The following RAB30 variants were observed in gnomAD, a reference collection of about 807,000 sequenced individuals.
RAB30 encodes the protein ras-related protein Rab-30.
A neutral mutation model predicts 25.1 loss-of-function variants in RAB30; 9 were observed. The observed-to-expected ratio is 0.36, with a 90% confidence interval of 0.22 to 0.63. The LOEUF (loss-of-function observed/expected upper bound fraction) is 0.63, where lower values mean the gene tolerates loss of function less well. Among genes scored for constraint, RAB30 ranks in the 20% least tolerant of loss-of-function variants. The pLI, the probability that RAB30 is intolerant of heterozygous loss-of-function variation, is 0.69. For missense variants in RAB30, 140 were observed against 243.5 expected (o/e 0.58, Z 2.83); for synonymous variants, 77 against 86.4 (o/e 0.89, Z 0.60).
chr11:83,040,978 G>C (rs1227104527), intron 1 of RAB30: 4 of 152,882 alleles, frequency 2.6e-5, no homozygotes, highest in African/African-American at 7.2e-5. Context: ...CAAATGACTT[G>C]ACGCCAGGAG....
intron 1 of RAB30, among the ~76,000 whole-genome samples, chr11:83,014,744 GAA>G (rs889084154): frequency 1.4e-5 from 2 of 147,698 alleles, no homozygotes; most frequent in African/African-American, 5.0e-5. Flanking sequence ...AAATAAGAAA[GAA>G]AAAGAATGAA....
chr11:83,013,919 C>T (rs1036693857), intron 1 of RAB30, among the ~76,000 whole-genome samples: 4 of 152,208 alleles, frequency 2.6e-5, no homozygotes, highest in Non-Finnish European at 5.9e-5. Flanking sequence ...TGCAAGTCCT[C>T]AACAACTCTG....
At chr11:83,002,018 G>GAC (rs2121474408) in intron 1 of RAB30, among the ~76,000 whole-genome samples, 1 of 152,294 alleles carries the variant, frequency 6.6e-6, no homozygotes, top group South Asian at 2.1e-4. Flanking sequence ...AGGAAGCTGA[G>GAC]ACAGAGATAT....
intron 2 of RAB30, among the ~76,000 whole-genome samples, chr11:82,994,458 G>A (rs780759658): frequency 6.6e-6 from 1 of 152,184 alleles, no homozygotes; most frequent in African/African-American, 2.4e-5. Context: ...AATCAGACAC[G>A]AAGATAAGAT....
intron 2 of RAB30, among the ~76,000 whole-genome samples, chr11:82,995,374 C>T (rs1171605627): frequency 6.6e-6 from 1 of 152,140 alleles, no homozygotes; most frequent in Non-Finnish European, 1.5e-5. Flanking sequence ...GGCTCAGATA[C>T]AAAAGCTGTC....
At chr11:83,062,202 G>A (rs778192536) in intron 1 of RAB30, among the ~76,000 whole-genome samples, 6 of 151,988 alleles carry the variant, frequency 3.9e-5, no homozygotes, top group East Asian at 1.9e-4. Flanking sequence ...AGGTCATGTC[G>A]AAAAACAAAA....
chr11:83,061,763 C>T (rs1858588820), intron 1 of RAB30, among the ~76,000 whole-genome samples: 1 of 125,468 alleles, frequency 8.0e-6, no homozygotes, highest in Non-Finnish European at 1.6e-5. Context: ...GTTGCCCAGG[C>T]TGCTCTTGAA....
chr11:83,046,610 T>G (rs1387194793), intron 1 of RAB30, among the ~76,000 whole-genome samples: 1 of 152,062 alleles, frequency 6.6e-6, no homozygotes, highest in Admixed American at 6.6e-5. Flanking sequence ...CTCCCCACCT[T>G]AGTCTCCTGA....
At position 83,020,653 on chromosome 11, in the gene RAB30, C is replaced by T. The variant is rs138928367; in HGVS notation, c.-8-23329G>A. ...CAAACCAGGGTGGCGATTTGTGGTG[C>T]CTTTTTCAGCCTGCCCATGGCCACC... On this transcript the variant is annotated intron_variant, in intron 1 of 4. Transcript: ENST00000527633. Among the ~76,000 whole-genome samples the T allele has an allele frequency of 5.4e-3, 820 of 152,294 alleles. 7 individuals carry two copies. Among genetic ancestry groups the T allele is most frequent in the African/African-American group, 0.019 (773 of 41,564 alleles).
intron 1 of RAB30, among the ~76,000 whole-genome samples, chr11:83,008,701 C>G (rs1857239920): frequency 6.6e-6 from 1 of 152,120 alleles, no homozygotes; most frequent in South Asian, 2.1e-4. Flanking sequence ...CACACACTCA[C>G]ACAGCATACC....
At chr11:83,070,660 A>G (rs996277953) in intron 1 of RAB30, among the ~76,000 whole-genome samples, 2 of 152,092 alleles carry the variant, frequency 1.3e-5, no homozygotes, top group Non-Finnish European at 2.9e-5. Context: ...AATTATCCCT[A>G]TAACTCTTAC....
intron 1 of RAB30, among the ~76,000 whole-genome samples, chr11:82,998,381 A>C (rs1445471029): frequency 6.6e-6 from 1 of 151,980 alleles, no homozygotes; most frequent in Non-Finnish European, 1.5e-5. Flanking sequence ...AAACTTACAA[A>C]AGAACCTTAT....
At chr11:83,000,353 A>G (rs545035315) in intron 1 of RAB30, among the ~76,000 whole-genome samples, 3 of 152,382 alleles carry the variant, frequency 2.0e-5, no homozygotes, top group African/African-American at 7.2e-5. Context: ...TCTGGCTTCA[A>G]ATATAAAACT....
chr11:83,067,198 C>T (rs1360044841), intron 1 of RAB30, among the ~76,000 whole-genome samples: 5 of 152,120 alleles, frequency 3.3e-5, no homozygotes, highest in African/African-American at 1.2e-4. Context: ...TGAATTCCTC[C>T]GAAGTAAACA....
At chr11:82,988,342 G>C (rs1856781715) in intron 3 of RAB30, among the ~76,000 whole-genome samples, 1 of 152,148 alleles carries the variant, frequency 6.6e-6, no homozygotes, top group African/African-American at 2.4e-5. Context: ...TGTGACTGTT[G>C]GCATTTAATC....
chr11:83,001,046 CAAAAAAAAA>C (rs1181057652), intron 1 of RAB30, among the ~76,000 whole-genome samples: 1 of 53,634 alleles, frequency 1.9e-5, no homozygotes, highest in African/African-American at 7.7e-5. Context: ...GACTCCGTCT[CAAAAAAAAA>C]AAAAAAAAAA....
chr11:83,000,656 G>A (rs1253681443), intron 1 of RAB30, among the ~76,000 whole-genome samples: 2 of 152,130 alleles, frequency 1.3e-5, no homozygotes, highest in Non-Finnish European at 2.9e-5. Flanking sequence ...AACCAAAGCA[G>A]GAAATCCAGA....
At chr11:82,984,974 T>C (rs1856713081) in intron 4 of RAB30, among the ~76,000 whole-genome samples, 2 of 152,146 alleles carry the variant, frequency 1.3e-5, no homozygotes, top group Admixed American at 1.3e-4. Flanking sequence ...ATACATCAAA[T>C]TTACTTATTT....
intron 1 of RAB30, among the ~76,000 whole-genome samples, chr11:83,022,334 A>T (rs915267589): frequency 6.6e-6 from 1 of 151,842 alleles, no homozygotes; most frequent in Non-Finnish European, 1.5e-5. Flanking sequence ...TAATTTTTAA[A>T]TTTTTCTGGA....
Sources: allele counts gnomAD v4.1 joint callset (sites outside exome capture counted in the v4.1 genomes callset), GRCh38; gene constraint gnomAD v4.1.1; transcripts MANE v1.5; gene names NCBI Gene and HGNC (gene_info 2026-07-23, HGNC 2026-07-21).